The following AP1G2 variants were observed in gnomAD, a reference collection of about 807,000 sequenced individuals.
The protein encoded by AP1G2 is adaptor related protein complex 1 subunit gamma 2.
AP1G2 carries 85 observed loss-of-function variants against 95.8 expected under a neutral mutation model. That is an observed-to-expected ratio of 0.89 (90% CI 0.74 to 1.06). The LOEUF (loss-of-function observed/expected upper bound fraction) is 1.06, where lower values mean the gene tolerates loss of function less well. Ranked by LOEUF, AP1G2 falls within the 50% of genes least tolerant of loss-of-function variation. The probability of loss-of-function intolerance (pLI) is 0.00; values close to 1 mark genes in which losing one functional copy is unlikely to be tolerated. For synonymous variants in AP1G2, 378 were observed against 400.0 expected (o/e 0.94, Z 0.66); for missense variants, 967 against 1,005.8 (o/e 0.96, Z 0.52).
chr14:23,566,499 G>A (rs1259928697), intron 3 of AP1G2, 63 bp downstream of exon 3: 10 of 1,607,770 alleles, frequency 6.2e-6, no homozygotes, highest in Non-Finnish European at 7.7e-6. Flanking sequence ...CAGTCCCCTG[G>A]GATTTCCAAG....
Position 23,560,267 on chromosome 14 carries a change from A to T in AP1G2, c.2145T>A (p.Ala715=). The T allele has an allele frequency of 6.2e-7, 1 of 1,613,646 alleles. No individual in the cohort carries two copies. The highest frequency in any genetic ancestry group is 8.5e-7 in the Non-Finnish European group (1 of 1,180,014). Residue 715 remains alanine, a synonymous_variant, in exon 20 of 22, where the codon GCT becomes GCA. Coordinates refer to ENST00000397120, the MANE Select transcript of AP1G2 (RefSeq NM_003917.5). Reference sequence around the variant, plus strand: ...GATCTTTACAAACCTTGGGCACAGCAGCCTGGCAGATGAAATGGGTGACAT... The same window carrying T: ...GATCTTTACAAACCTTGGGCACAGCTGCCTGGCAGATGAAATGGGTGACAT... ...EGDVTHFICQ[A]AVPKSLQLQL...
At position 23,567,480 on chromosome 14, in the gene AP1G2, GCCCAC is replaced by G; in HGVS notation, c.-5-166_-5-162del. ...CCCGAAGTGGGTCTCCAAATTCCGC[GCCCAC>G]CCCACCGCCCGAGAAGCCCACTACG... On this transcript the variant is annotated intron_variant, in intron 1 of 21. Transcript: ENST00000397120. The surrounding 1 kb of genome is among the most constrained non-coding windows in gnomAD (Gnocchi z 5.3). The G allele has an allele frequency of 7.2e-7, 1 of 1,391,336 alleles. No individual in the cohort carries two copies. The highest frequency in any genetic ancestry group is 9.3e-7 in the Non-Finnish European group (1 of 1,080,594). 86.2% of individuals were successfully genotyped at this position (1,391,336 alleles called of 1,614,324 possible).
In AP1G2 at chr14:23,566,055, C is replaced by T; in HGVS notation, c.568+9G>A. ...CTGAAGCAAAGGATGGGGGGCCCCA[C>T]AGCCTTACCATGGTGACGCTCATGA... On this transcript the variant is annotated intron_variant, in intron 5 of 21. Transcript: ENST00000397120. 1 of 1,614,154 alleles carries T rather than the reference C, an allele frequency of 6.2e-7. No homozygotes were observed. The highest frequency in any genetic ancestry group is 8.5e-7 in the Non-Finnish European group (1 of 1,180,028).
rs771762696 is a variant in AP1G2, at chr14:23,561,435, GCAGAAGGGA to G, written c.1858-13_1858-5del. 2.5e-6 allele frequency: 4 copies of G among 1,611,696 alleles called. No individual in the cohort carries two copies. The highest frequency in any genetic ancestry group is 3.4e-6 in the Non-Finnish European group (4 of 1,178,182). On this transcript the variant is annotated splice_polypyrimidine_tract_variant and splice_region_variant and intron_variant, in intron 18 of 21. Transcript: ENST00000397120. The stretch of plus-strand genomic sequence containing the variant: ...GCAGATCCAGGAGCTGTGAGGCCTG[GCAGAAGGGA>G]CAGAAGGGGCAGGGCTGGGTATGAA...
intron 19 of AP1G2, chr14:23,561,047 G>A: frequency 8.3e-7 from 1 of 1,199,342 alleles, no homozygotes; most frequent in Non-Finnish European, 1.0e-6. Context: ...GCAGTGAGTG[G>A]GTAGTGGGAA....
At chr14:23,565,331 G>T in intron 7 of AP1G2, 132 bp from the exon 8 acceptor site, 1 of 947,300 alleles carries the variant, frequency 1.1e-6, no homozygotes, top group South Asian at 1.6e-5. Flanking sequence ...CACCTCCACA[G>T]GTCCCTTGGT....
In AP1G2 at chr14:23,561,577, C is replaced by T. The variant is rs1216419304; in HGVS notation, c.1792G>A (p.Glu598Lys). 2.5e-6 allele frequency: 4 copies of T among 1,614,178 alleles called. No individual in the cohort carries two copies. The highest frequency in any genetic ancestry group is 1.7e-5 in the Admixed American group (1 of 60,020). Reference sequence around the variant, plus strand: ...GCTGCTTCTTTGCTTTCCTTTGCTTCCTCATCAGCCTGAGGGCCATCTCGC... The same window carrying T: ...GCTGCTTCTTTGCTTTCCTTTGCTTTCTCATCAGCCTGAGGGCCATCTCGC... ...VERDGPQADE[E>K]AKESKEAAQL... Residue 598 changes from glutamate to lysine, a missense_variant, in exon 18 of 22, where the codon GAA becomes AAA. Coordinates refer to ENST00000397120, the MANE Select transcript of AP1G2 (RefSeq NM_003917.5).
In AP1G2 at chr14:23,563,437, C is replaced by T; in HGVS notation, c.1353G>A (p.Glu451=). 6.2e-7 allele frequency: 1 copy of T among 1,612,976 alleles called. No individual in the cohort carries two copies. Among genetic ancestry groups the T allele is most frequent in the Non-Finnish European group, 8.5e-7 (1 of 1,179,640 alleles). ...GGCGGCGCACAGAGTAGGCATGTAG[C>T]TCCTGGGCCCCCCCAATCAGCTGGG... ...NLTQLIGGAQ[E]LHAYSVRRLY... Residue 451 remains glutamate (E), a synonymous_variant, in exon 14 of 22, where the codon GAG becomes GAA. Coordinates refer to ENST00000397120, the MANE Select transcript of AP1G2 (RefSeq NM_003917.5).
intron 8 of AP1G2, 38 bp downstream of exon 8, chr14:23,565,081 C>T (rs1188682310): frequency 3.7e-6 from 6 of 1,608,806 alleles, no homozygotes; most frequent in Middle Eastern, 1.7e-4. Context: ...ATGGGGTCTC[C>T]AAGCAACACA....
chr14:23,560,125 T>G, intron 20 of AP1G2, 89 bp from the exon 21 acceptor site: 1 of 1,429,416 alleles, frequency 7.0e-7, no homozygotes, highest in Non-Finnish European at 9.7e-7. Context: ...ACCCTTTTCC[T>G]GTAACTCCCC....
rs1209926780 is a variant in AP1G2, at chr14:23,560,085, A to G, written c.2158-49T>C. On this transcript the variant is annotated intron_variant, in intron 20 of 21. Transcript: ENST00000397120. ...CACAGTATGGCAGTAGGTAGGGCTC[A>G]GGCAGCCCCTCTATACTCAGTGGCT... is the stretch of plus-strand genomic sequence containing the variant. The G allele has an allele frequency of 5.6e-6, 8 of 1,440,568 alleles. No individual in the cohort carries two copies. The East Asian group carries it at 1.2e-4, about 21-fold the overall frequency. The allele number at this position is 1,440,568 out of a possible 1,614,324, so 89.2% of individuals were successfully genotyped here.
intron 14 of AP1G2, chr14:23,562,986 G>A: frequency 4.5e-6 from 4 of 891,536 alleles, no homozygotes; most frequent in Non-Finnish European, 5.9e-6. Flanking sequence ...CCTTGTGGAA[G>A]GGGTGGATGA....
At chr14:23,564,493 C>T in intron 9 of AP1G2, 69 bp downstream of exon 9, 1 of 1,601,296 alleles carries the variant, frequency 6.2e-7, no homozygotes, top group Non-Finnish European at 8.6e-7. Context: ...AGGGAGAAAC[C>T]AGCAAGCAGG....
chr14:23,562,614 C>G (rs1885502268), intron 14 of AP1G2, 21 bp from the exon 15 acceptor site: 2 of 1,608,776 alleles, frequency 1.2e-6, no homozygotes, highest in African/African-American at 1.3e-5. Context: ...TAAGAAACTG[C>G]TGGGCTGGCC....
chr14:23,564,349 T>C lies in AP1G2; in HGVS notation c.961A>G (p.Ser321Gly), dbSNP rs1334375138. 2 of 1,614,142 alleles carry C rather than the reference T, an allele frequency of 1.2e-6. No homozygotes were observed. Among genetic ancestry groups the C allele is most frequent in the East Asian group, 4.5e-5 (2 of 44,880 alleles). Residue 321 changes from serine (S) to glycine (G), a missense_variant, in exon 10 of 22, where the codon AGT (serine) becomes GGT (glycine). Ser to Gly is a moderately conservative substitution (Grantham distance 56). Transcript: ENST00000397120. ...GACTATTACCTAATGTTCCTGTCACTGTTGAGTAGGAAGCGACCAAGAATG... is the reference window on the plus strand; with the variant it reads ...GACTATTACCTAATGTTCCTGTCACCGTTGAGTAGGAAGCGACCAAGAATG... ...VNILGRFLLNSDRNIRYVALT... is the reference protein window; with the variant it reads ...VNILGRFLLNGDRNIRYVALT...
chr14:23,560,778 CAAAAAAAAAAAAAA>C (rs59524126), intron 19 of AP1G2: 5 of 15,906 alleles, frequency 3.1e-4, no homozygotes, highest in Admixed American at 8.6e-4. Flanking sequence ...GACGCTGTCT[CAAAAAAAAAAAAAA>C]AAAAAAAAAA....
rs1232024765 is a variant in AP1G2 at position 23,561,642 on chromosome 14, G to C, written c.1734-7C>G. 1 of 1,613,406 alleles carries C rather than the reference G, an allele frequency of 6.2e-7. No individual in the cohort carries two copies. Among genetic ancestry groups the C allele is most frequent in the South Asian group, 1.1e-5 (1 of 91,010 alleles). On this transcript the variant is annotated splice_region_variant and splice_polypyrimidine_tract_variant and intron_variant, in intron 17 of 21. Transcript: ENST00000397120. ...TTTTTCCAGGATGGCAGCCCTGAGA[G>C]GATGGAATGCAAGTGTGCCTCTGTG... is the stretch of plus-strand genomic sequence containing the variant.
At chr14:23,566,249 A>G (rs1449813472) in intron 4 of AP1G2, 29 bp downstream of exon 4, 21 of 1,612,212 alleles carry the variant, frequency 1.3e-5, no homozygotes, top group Non-Finnish European at 1.8e-5. Flanking sequence ...AGTGTGCAGG[A>G]GCACGTGCCA....
At position 23,567,349 on chromosome 14, in the gene AP1G2, C is replaced by G; in HGVS notation, c.-5-30G>C. ...CAGAGTCCGGGAGTGGAGAAACACT[C>G]TCTGGTCGGGCGTGCCTGGGCTTTC... On this transcript the variant is annotated intron_variant, in intron 1 of 21. Coordinates refer to ENST00000397120, the MANE Select transcript of AP1G2 (RefSeq NM_003917.5). This position sits in a 1 kb window ranked among gnomAD's most constrained non-coding sequence, Gnocchi z 5.3. 5.0e-6 allele frequency: 8 copies of G among 1,599,416 alleles called. No homozygotes were observed. Among genetic ancestry groups the G allele is most frequent in the Non-Finnish European group, 6.8e-6 (8 of 1,176,044 alleles).
Sources: allele counts gnomAD v4.1 joint callset, GRCh38; gene constraint gnomAD v4.1.1; non-coding constraint Gnocchi (gnomAD v3.1); transcripts MANE v1.5; gene names NCBI Gene and HGNC (gene_info 2026-07-23, HGNC 2026-07-21).